ULBP2: variants seen among roughly 807,000 people sequenced by gnomAD.
The protein encoded by ULBP2 is UL16 binding protein 2.
Under a neutral mutation model 23.6 loss-of-function variants are expected in ULBP2, and 21 were observed. The observed-to-expected ratio is 0.89, with a 90% CI of 0.63 to 1.28. ULBP2 has a LOEUF of 1.28. Ranked by LOEUF, ULBP2 falls within the 50% of genes most tolerant of loss-of-function variation. The pLI, the probability that ULBP2 is intolerant of heterozygous loss-of-function variation, is 0.00. For missense variants in ULBP2, 251 were observed against 306.0 expected (o/e 0.82, Z 1.34); for synonymous variants, 82 against 112.8 (o/e 0.73, Z 1.73).
In ULBP2 at chr6:149,946,640, G is replaced by A. The variant is rs1191128799; in HGVS notation, c.618G>A (p.Glu206=). ...TGATGGGCATGGACAGCACCCTGGAGCCAAGTGCAGGAGGTAACAGGAGAA... is the reference window on the plus strand; with the variant it reads ...TGATGGGCATGGACAGCACCCTGGAACCAAGTGCAGGAGGTAACAGGAGAA... ...DFLMGMDSTL[E]PSAGAPLAMS... is the part of the protein sequence containing the mutation. Residue 206 remains glutamate, a synonymous_variant, in exon 3 of 5, where the codon GAG becomes GAA. Coordinates refer to ENST00000367351, the MANE Select transcript of ULBP2 (RefSeq NM_025217.4). 1 of 1,614,058 alleles carries A rather than the reference G, an allele frequency of 6.2e-7. No individual in the cohort carries two copies. Among genetic ancestry groups the A allele is most frequent in the Admixed American group, 1.7e-5 (1 of 60,010 alleles).
At position 149,948,983 on chromosome 6, in the gene ULBP2, A is replaced by C. The variant is rs532312906; in HGVS notation, c.*283A>C. The C allele has an allele frequency of 5.3e-4, 130 of 244,070 alleles. No individual in the cohort carries two copies. The highest frequency in any genetic ancestry group is 2.5e-3 in the African/African-American group (111 of 43,648). 15.1% of individuals were successfully genotyped at this position (244,070 alleles called of 1,614,324 possible). ...CACTTAAAGTTCTGGCTGACTAAAC[A>C]AGATATATCATTTTCTTTCTTCTCT... On this transcript the variant is annotated 3_prime_UTR_variant, in exon 5 of 5. Coordinates refer to ENST00000367351, the MANE Select transcript of ULBP2 (RefSeq NM_025217.4).
At chr6:149,943,893 G>A (rs1778899533) in intron 1 of ULBP2, among the ~76,000 whole-genome samples, 1 of 151,940 alleles carries the variant, frequency 6.6e-6, no homozygotes, top group Admixed American at 6.5e-5. Context: ...TTGGGTCATT[G>A]GGCACTTAAG....
intron 4 of ULBP2, among the ~76,000 whole-genome samples, chr6:149,948,067 C>T (rs1423292799): frequency 6.6e-6 from 1 of 152,196 alleles, no homozygotes; most frequent in Non-Finnish European, 1.5e-5. Flanking sequence ...AAGTCAGTCC[C>T]ATGGACATGT....
intron 4 of ULBP2, among the ~76,000 whole-genome samples, chr6:149,948,154 G>A (rs77104099): frequency 2.6e-5 from 4 of 152,184 alleles, no homozygotes; most frequent in African/African-American, 9.7e-5. Flanking sequence ...GCCCACTGAT[G>A]GCCCTGCCTG....
intron 2 of ULBP2, among the ~76,000 whole-genome samples, chr6:149,945,866 G>A (rs1459183660): frequency 6.6e-5 from 10 of 150,532 alleles, no homozygotes; most frequent in East Asian, 2.0e-4. Flanking sequence ...CCTTGAACCC[G>A]GCAGGCAGAC....
chr6:149,946,193 C>T (rs529721198), intron 2 of ULBP2, among the ~76,000 whole-genome samples, 179 bp from the exon 3 acceptor site: 5 of 135,658 alleles, frequency 3.7e-5, no homozygotes, highest in African/African-American at 2.8e-5. Flanking sequence ...GGTGACAGAG[C>T]GAGACCCTTT....
Position 149,943,373 on chromosome 6 carries a change from G to A in ULBP2, c.85+1216G>A, listed in dbSNP as rs142879554. 7.0e-3 allele frequency among the ~76,000 whole-genome samples: 1,070 copies of A among 152,216 alleles called. 15 individuals carry two copies. The highest frequency in any genetic ancestry group is 0.024 in the African/African-American group (1,012 of 41,524). ...GGGAGTGGGGGTCCCATAGTTGGGG[G>A]CTTATTCTCCCCTCCTTTGTGCTGA... On this transcript the variant is annotated intron_variant, in intron 1 of 4. Coordinates refer to ENST00000367351, the MANE Select transcript of ULBP2 (RefSeq NM_025217.4).
At chr6:149,947,581 A>T in intron 4 of ULBP2, 130 bp downstream of exon 4, 2 of 612,834 alleles carry the variant, frequency 3.3e-6, no homozygotes, top group South Asian at 3.9e-5. Flanking sequence ...AGACAGGTGA[A>T]TGAGACCTTG....
chr6:149,942,650 C>CT (rs11381985), intron 1 of ULBP2, among the ~76,000 whole-genome samples: 8,607 of 152,156 alleles, frequency 0.057, 537 homozygotes, highest in East Asian at 0.34. Context: ...TTTCCCTGCA[C>CT]TTTCCTGTAG....
At chr6:149,947,012 C>T (rs1272199667) in intron 3 of ULBP2, among the ~76,000 whole-genome samples, 1 of 151,804 alleles carries the variant, frequency 6.6e-6, no homozygotes, top group Non-Finnish European at 1.5e-5. Context: ...CCATCAAAAC[C>T]ACTTCCAACG....
At chr6:149,942,286 A>T in intron 1 of ULBP2, 129 bp downstream of exon 1, 1 of 989,304 alleles carries the variant, frequency 1.0e-6, no homozygotes. Flanking sequence ...GCCCCCGTTC[A>T]GTTCCGGTCG....
chr6:149,944,112 C>A (rs1172739202), intron 1 of ULBP2, among the ~76,000 whole-genome samples: 1 of 152,106 alleles, frequency 6.6e-6, no homozygotes, highest in Non-Finnish European at 1.5e-5. Context: ...TTAAAGGGTC[C>A]TTCCTCACTA....
chr6:149,946,428 A>G lies in ULBP2; in HGVS notation c.406A>G (p.Ser136Gly), dbSNP rs1425945642. The G allele has an allele frequency of 8.7e-6, 14 of 1,614,186 alleles. No homozygotes were observed. The East Asian group carries it at 2.7e-4, about 31-fold the overall frequency. ...TGAGCAGAAAGCTGAAGGACACAGC[A>G]GTGGATCTTGGCAGTTCAGTTTCGA... Reference protein sequence around the residue: ...SCEQKAEGHSSGSWQFSFDGQ... With the variant: ...SCEQKAEGHSGGSWQFSFDGQ... The change falls in exon 3 of 5, where the codon AGT becomes GGT. Residue 136 changes from serine (S) to glycine (G), a missense_variant. Transcript: ENST00000367351.
rs776305468 is a variant in ULBP2, at chr6:149,946,359, C to T, written c.350-13C>T. The T allele has an allele frequency of 8.1e-6, 13 of 1,607,878 alleles. No homozygotes were observed. In the South Asian group the frequency reaches 1.3e-4, roughly 16 times the overall value. On this transcript the variant is annotated splice_polypyrimidine_tract_variant and intron_variant, in intron 2 of 4. Coordinates refer to ENST00000367351, the MANE Select transcript of ULBP2 (RefSeq NM_025217.4). ...TGTCAAGATCAGAGCTGATCTCTCT[C>T]TGATGGGGGCAGAACCCCTCACCCT...
At position 149,945,477 on chromosome 6, in the gene ULBP2, C is replaced by T. The variant is rs760272835; in HGVS notation, c.254C>T (p.Thr85Met). Reference protein sequence around the residue: ...SPLGKKLNVTTAWKAQNPVLR... With the variant: ...SPLGKKLNVTMAWKAQNPVLR... ...CTGGGGAAGAAACTAAATGTCACAA[C>T]GGCCTGGAAAGCACAGAACCCAGTA... Residue 85 changes from threonine to methionine, a missense_variant, in exon 2 of 5, where the codon ACG becomes ATG. Thr to Met is a moderately conservative substitution (Grantham distance 81). This residue lies in a region of ULBP2 where 248 missense variants were observed against 258.9 expected (regional missense o/e 0.96). Coordinates refer to ENST00000367351, the MANE Select transcript of ULBP2 (RefSeq NM_025217.4). 5.5e-5 allele frequency: 89 copies of T among 1,613,942 alleles called. No individual in the cohort carries two copies. The highest frequency in any genetic ancestry group is 3.4e-4 in the South Asian group (31 of 91,040).
At chr6:149,942,365 G>T (rs1295619991) in intron 1 of ULBP2, among the ~76,000 whole-genome samples, 1 of 152,202 alleles carries the variant, frequency 6.6e-6, no homozygotes, top group Non-Finnish European at 1.5e-5. Flanking sequence ...AAAGGAGCGG[G>T]GTGGAAAGGA....
intron 4 of ULBP2, among the ~76,000 whole-genome samples, chr6:149,948,000 C>T (rs1778969252): frequency 6.6e-6 from 1 of 152,184 alleles, no homozygotes; most frequent in African/African-American, 2.4e-5. Context: ...GGCTTGGGTT[C>T]CAGGAATTAA....
At position 149,942,055 on chromosome 6, in the gene ULBP2, T is replaced by G; in HGVS notation, c.-18T>G. ...CTCCTTCCATCAAGTCTCTCATCCC[T>G]AGCGCTCTGGGTCCTTAATGGCAGC... On this transcript the variant is annotated 5_prime_UTR_variant, in exon 1 of 5. Transcript: ENST00000367351. 1 of 1,612,118 alleles carries G rather than the reference T, an allele frequency of 6.2e-7. No homozygotes were observed. Among genetic ancestry groups the G allele is most frequent in the Non-Finnish European group, 8.5e-7 (1 of 1,179,132 alleles).
intron 4 of ULBP2, among the ~76,000 whole-genome samples, chr6:149,947,869 G>A (rs1778966736): frequency 6.6e-6 from 1 of 152,008 alleles, no homozygotes; most frequent in African/African-American, 2.4e-5. Flanking sequence ...ACAGGGGAAG[G>A]GGGATTCCAT....
Sources: allele counts gnomAD v4.1 joint callset (sites outside exome capture counted in the v4.1 genomes callset), GRCh38; gene constraint gnomAD v4.1.1; regional missense constraint gnomAD v4.1.1; transcripts MANE v1.5; gene names NCBI Gene and HGNC (gene_info 2026-07-23, HGNC 2026-07-21).